Variants in ATRNL1 observed in about 807,000 individuals in gnomAD.
ATRNL1 encodes attractin like 1.
ATRNL1 carries 95 observed loss-of-function variants against 182.7 expected under a neutral mutation model. That is an observed-to-expected ratio of 0.52 (90% CI 0.44 to 0.62). The LOEUF (loss-of-function observed/expected upper bound fraction) is 0.62. ATRNL1 is among the 20% of genes least tolerant of loss of function. The pLI is 0.00. For synonymous variants in ATRNL1, 576 were observed against 568.3 expected, an observed-to-expected ratio of 1.01 and a Z score of -0.19; for missense variants, 1,471 against 1,679.5, an observed-to-expected ratio of 0.88 and a Z score of 2.17.
intron 27 of ATRNL1, among the ~76,000 whole-genome samples, chr10:115,760,917 C>T (rs1845081567): frequency 6.6e-6 from 1 of 152,158 alleles, no homozygotes; most frequent in South Asian, 2.1e-4. Flanking sequence ...ATGGAAAGCC[C>T]AGTTTGTTAG....
At chr10:115,443,210 A>C (rs1219918915) in intron 21 of ATRNL1, among the ~76,000 whole-genome samples, 1 of 152,014 alleles carries the variant, frequency 6.6e-6, no homozygotes, top group Non-Finnish European at 1.5e-5. Flanking sequence ...TGATATCATC[A>C]AATTATTCTG....
intron 26 of ATRNL1, among the ~76,000 whole-genome samples, chr10:115,679,703 C>A (rs984462437): frequency 2.8e-4 from 42 of 152,160 alleles, no homozygotes; most frequent in African/African-American, 1.0e-3. Context: ...TTAATCATAT[C>A]TTTGATACTG....
At chr10:115,206,383 G>C (rs1848797606) in intron 8 of ATRNL1, among the ~76,000 whole-genome samples, 1 of 151,752 alleles carries the variant, frequency 6.6e-6, no homozygotes, top group South Asian at 2.1e-4. Flanking sequence ...TTTTTCAAAT[G>C]GTTGCTGTAT....
chr10:115,484,442 T>C (rs1383703588), intron 24 of ATRNL1, among the ~76,000 whole-genome samples: 3 of 151,406 alleles, frequency 2.0e-5, no homozygotes, highest in Admixed American at 1.3e-4. Flanking sequence ...TAATTTATCT[T>C]AAATAAATTA....
chr10:115,450,638 A>G (rs1334991604), intron 21 of ATRNL1, among the ~76,000 whole-genome samples: 1 of 152,172 alleles, frequency 6.6e-6, no homozygotes, highest in Middle Eastern at 3.2e-3. Context: ...ACACAGACAA[A>G]TGGAAAAACA....
chr10:115,904,634 G>C (rs61865193), intron 28 of ATRNL1, among the ~76,000 whole-genome samples: 1 of 152,124 alleles, frequency 6.6e-6, no homozygotes, highest in Admixed American at 6.5e-5. Context: ...ATTATATATA[G>C]TCATGTTTCT....
chr10:115,775,465 T>C lies in ATRNL1; in HGVS notation c.3903+48110T>C, dbSNP rs189472342. On this transcript the variant is annotated intron_variant, in intron 27 of 28. Coordinates refer to ENST00000355044, the MANE Select transcript of ATRNL1 (RefSeq NM_207303.4). ...CTTATTCTTCTGAATTGAATCTGTA[T>C]AAGATTTAAACCTTCCAGTTATTAC... Among the ~76,000 whole-genome samples, 112 of 152,334 alleles carry C rather than the reference T, an allele frequency of 7.4e-4. 1 individual carries two copies. The highest frequency in any genetic ancestry group is 1.4e-3 in the Admixed American group (22 of 15,300).
At chr10:115,798,236 C>G (rs112453492) in intron 27 of ATRNL1, among the ~76,000 whole-genome samples, 1 of 152,078 alleles carries the variant, frequency 6.6e-6, no homozygotes, top group African/African-American at 2.4e-5. Context: ...CTTCTTTTTA[C>G]TCCACACCCC....
intron 19 of ATRNL1, among the ~76,000 whole-genome samples, chr10:115,368,513 C>G (rs537578555): frequency 6.6e-6 from 1 of 152,090 alleles, no homozygotes; most frequent in Non-Finnish European, 1.5e-5. Context: ...AGCTGTAGAC[C>G]AGAGCTGTTC....
intron 28 of ATRNL1, among the ~76,000 whole-genome samples, chr10:115,854,145 A>T (rs11197460): frequency 0.18 from 28,147 of 152,208 alleles, 3,250 homozygotes; most frequent in South Asian, 0.28. Context: ...AAGTTGTGTT[A>T]AAGTGCTATG....
At chr10:115,132,914 G>C (rs368352347) in intron 5 of ATRNL1, among the ~76,000 whole-genome samples, 171 of 152,262 alleles carry the variant, frequency 1.1e-3, no homozygotes, top group Non-Finnish European at 1.7e-3. Flanking sequence ...TTCTTTTGCT[G>C]TGCAGAAGTT....
intron 26 of ATRNL1, among the ~76,000 whole-genome samples, chr10:115,605,464 A>G (rs932277292): frequency 1.5e-4 from 23 of 152,076 alleles, no homozygotes; most frequent in Non-Finnish European, 1.8e-4. Flanking sequence ...CTTTGCATAG[A>G]TTACTTACAT....
At chr10:115,867,502 A>G (rs1392604020) in intron 28 of ATRNL1, among the ~76,000 whole-genome samples, 3 of 152,134 alleles carry the variant, frequency 2.0e-5, no homozygotes, top group African/African-American at 7.2e-5. Flanking sequence ...AGGGGTCCTC[A>G]TATGCTTTTT....
At chr10:115,280,372 T>C (rs112274405) in intron 13 of ATRNL1, among the ~76,000 whole-genome samples, 46 of 152,298 alleles carry the variant, frequency 3.0e-4, no homozygotes, top group Admixed American at 6.5e-4. Context: ...GTTATCTTCC[T>C]GGGTATATAT....
rs1353916967 is a variant in ATRNL1 at position 115,121,706 on chromosome 10, G to T, written c.385G>T (p.Ala129Ser). 8 of 1,466,790 alleles carry T rather than the reference G, an allele frequency of 5.5e-6. No individual in the cohort carries two copies. The highest frequency in any genetic ancestry group is 7.4e-6 in the Non-Finnish European group (8 of 1,082,782). The allele number at this position is 1,466,790 out of a possible 1,614,324, so 90.9% of individuals were successfully genotyped here. Residue 129 changes from alanine to serine, a missense_variant, in exon 3 of 29, where the codon GCA (alanine) becomes TCA (serine). By Grantham distance (99) the Ala-to-Ser change is moderately conservative (BLOSUM62 1). Transcript: ENST00000355044. The stretch of plus-strand genomic sequence containing the variant: ...TTTCATATTCATTTTCAGTCCAAAT[G>T]CAGTGTTAAGATTAAGATTCAATCA... ...CTWLIEGYPNAVLRLRFNHFA... is the reference protein window; with the variant it reads ...CTWLIEGYPNSVLRLRFNHFA...
At position 115,838,793 on chromosome 10, in the gene ATRNL1, ATT is replaced by A. The variant is rs5788118; in HGVS notation, c.3904-9077_3904-9076del. ...TATTCGTTTTAAGCAATTTCGCAGTATTTTTTTTAATACCCTAAAACGGCAAA... is the reference window on the plus strand; with the variant it reads ...TATTCGTTTTAAGCAATTTCGCAGTATTTTTTAATACCCTAAAACGGCAAA... On this transcript the variant is annotated intron_variant, in intron 27 of 28. Transcript: ENST00000355044. 3.3e-5 allele frequency among the ~76,000 whole-genome samples: 5 copies of A among 151,850 alleles called. No homozygotes were observed. In the East Asian group the frequency reaches 7.8e-4, roughly 24 times the overall value.
intron 18 of ATRNL1, among the ~76,000 whole-genome samples, chr10:115,327,763 T>C (rs1554933845): frequency 6.6e-6 from 1 of 151,856 alleles, no homozygotes; most frequent in African/African-American, 2.4e-5. Flanking sequence ...CCATAAAAAA[T>C]GATGAGTTCA....
At chr10:115,944,303 AT>A (rs1398154751) in intron 28 of ATRNL1, among the ~76,000 whole-genome samples, 2 of 139,038 alleles carry the variant, frequency 1.4e-5, no homozygotes, top group African/African-American at 2.7e-5. Flanking sequence ...AAAAAAAAAA[AT>A]AGTAACATTT....
chr10:115,135,151 G>C (rs12251747), intron 5 of ATRNL1, among the ~76,000 whole-genome samples: 85 of 151,524 alleles, frequency 5.6e-4, no homozygotes, highest in African/African-American at 1.8e-3. Flanking sequence ...TCTCTCACCA[G>C]TCCTATTCAA....
Sources: allele counts gnomAD v4.1 joint callset (sites outside exome capture counted in the v4.1 genomes callset), GRCh38; gene constraint gnomAD v4.1.1; transcripts MANE v1.5; gene names NCBI Gene and HGNC (gene_info 2026-07-23, HGNC 2026-07-21).